Variants in SPECC1L observed in about 807,000 individuals in gnomAD.
SPECC1L encodes the protein cytospin-A.
In SPECC1L, 40 loss-of-function variants were observed where a neutral mutation model predicts 116.8. The ratio of observed to expected loss-of-function variants is 0.34; its 90% CI spans 0.27 to 0.45. The LOEUF (loss-of-function observed/expected upper bound fraction) is 0.45. SPECC1L is among the 20% of genes least tolerant of loss of function. SPECC1L has a pLI of 1.00. For synonymous variants in SPECC1L, 504 were observed against 500.6 expected, an observed-to-expected ratio of 1.01 and a Z score of -0.09; for missense variants, 1,110 against 1,373.6, an observed-to-expected ratio of 0.81 and a Z score of 3.03.
Position 24,347,107 on chromosome 22 carries a change from A to T in SPECC1L, c.2674A>T (p.Ile892Phe). 1.9e-6 allele frequency: 3 copies of T among 1,614,012 alleles called. No individual in the cohort carries two copies. The Admixed American group carries it at 5.0e-5, about 27-fold the overall frequency. ...PMQRHSISGPISTSKPLTALS... is the reference protein window; with the variant it reads ...PMQRHSISGPFSTSKPLTALS... ...TCAGAGACATTCCATAAGTGGACCA[A>T]TCTCAACATCCAAACCCCTGACAGC... Residue 892 changes from isoleucine to phenylalanine, a missense_variant, in exon 11 of 17, where the codon ATC becomes TTC. By Grantham distance (21) the Ile-to-Phe change is conservative. This residue lies in a region of SPECC1L where 575 missense variants were observed against 682.4 expected (regional missense o/e 0.84). Coordinates refer to ENST00000314328, the MANE Select transcript of SPECC1L (RefSeq NM_015330.6).
chr22:24,315,878 C>G (rs1247302960), intron 4 of SPECC1L, among the ~76,000 whole-genome samples: 1 of 152,194 alleles, frequency 6.6e-6, no homozygotes, highest in Non-Finnish European at 1.5e-5. Context: ...GCTGCCTTCT[C>G]TGTGTCTTCC....
At chr22:24,367,677 T>G (rs1013392574) in intron 13 of SPECC1L, among the ~76,000 whole-genome samples, 3 of 152,174 alleles carry the variant, frequency 2.0e-5, no homozygotes, top group African/African-American at 7.2e-5. Flanking sequence ...GCAATAAAAA[T>G]TGGTACTATT....
chr22:24,405,913 G>A (rs1205941836), intron 14 of SPECC1L, among the ~76,000 whole-genome samples: 3 of 152,020 alleles, frequency 2.0e-5, no homozygotes, highest in African/African-American at 4.8e-5. Context: ...TCGTCATCTT[G>A]TGTGGGCTGG....
At chr22:24,318,734 A>AGTT (rs1412330335) in intron 4 of SPECC1L, among the ~76,000 whole-genome samples, 2 of 152,072 alleles carry the variant, frequency 1.3e-5, no homozygotes. Flanking sequence ...AGCTTGGGCA[A>AGTT]CATGCCCAAT....
intron 16 of SPECC1L, among the ~76,000 whole-genome samples, chr22:24,413,903 G>T (rs759963363): frequency 1.3e-5 from 2 of 152,144 alleles, no homozygotes; most frequent in Non-Finnish European, 1.5e-5. Context: ...GTCACTCCCC[G>T]AGCCTTCAGC....
At chr22:24,355,722 A>C (rs1046748401) in intron 11 of SPECC1L, among the ~76,000 whole-genome samples, 1 of 151,698 alleles carries the variant, frequency 6.6e-6, no homozygotes, top group South Asian at 2.1e-4. Flanking sequence ...CTTTTTCCCT[A>C]CTCACTTCAG....
At chr22:24,339,800 C>T (rs1219556940) in intron 10 of SPECC1L, among the ~76,000 whole-genome samples, 1 of 151,982 alleles carries the variant, frequency 6.6e-6, no homozygotes, top group Non-Finnish European at 1.5e-5. Flanking sequence ...TTTTTTACCC[C>T]GAAACGGGGT....
intron 14 of SPECC1L, among the ~76,000 whole-genome samples, chr22:24,401,467 C>T (rs763231622): frequency 1.1e-4 from 16 of 152,324 alleles, no homozygotes; most frequent in African/African-American, 3.6e-4. Flanking sequence ...CCTCTGATAA[C>T]GAGGTCAGTC....
rs1026603859 is a variant in SPECC1L, at chr22:24,324,326, A to C, written c.2045A>C (p.Glu682Ala). Residue 682 changes from glutamate (E) to alanine (A), a missense_variant, in exon 6 of 17, where the codon GAA (glutamate) becomes GCA (alanine). By Grantham distance (107) the Glu-to-Ala change is moderately radical. Transcript: ENST00000314328. ...TCAGACCTGGATGAAAAAGAAACAG[A>C]AAGGAGTGACATGAAAGAAACCATC... ...LRSDLDEKET[E>A]RSDMKETIFE... The C allele has an allele frequency of 2.5e-6, 4 of 1,614,124 alleles. No individual in the cohort carries two copies. The highest frequency in any genetic ancestry group is 3.4e-6 in the Non-Finnish European group (4 of 1,179,942).
At chr22:24,315,139 C>T (rs1264880413) in intron 4 of SPECC1L, among the ~76,000 whole-genome samples, 2 of 152,230 alleles carry the variant, frequency 1.3e-5, no homozygotes, top group Non-Finnish European at 2.9e-5. Context: ...AATTTAGGCT[C>T]TTAGCCCCTC....
At chr22:24,355,281 C>CAA (rs751981921) in intron 11 of SPECC1L, among the ~76,000 whole-genome samples, 2,580 of 55,156 alleles carry the variant, frequency 0.047, 111 homozygotes, top group African/African-American at 0.12. Context: ...GACTCCATCT[C>CAA]AAAAAAAAAA....
chr22:24,352,519 CTGAG>C (rs1245389108), intron 11 of SPECC1L, among the ~76,000 whole-genome samples: 3 of 151,884 alleles, frequency 2.0e-5, no homozygotes, highest in Non-Finnish European at 4.4e-5. Context: ...TTTTTATAAA[CTGAG>C]TATTTTGAAA....
At chr22:24,400,260 C>G (rs1370947882) in intron 14 of SPECC1L, among the ~76,000 whole-genome samples, 1 of 152,198 alleles carries the variant, frequency 6.6e-6, no homozygotes, top group East Asian at 1.9e-4. Flanking sequence ...ACTTGGCAAC[C>G]ACTCGTCTAC....
intron 5 of SPECC1L, 129 bp from the exon 6 acceptor site, chr22:24,324,091 C>G: frequency 1.3e-6 from 1 of 746,440 alleles, no homozygotes; most frequent in Non-Finnish European, 2.4e-6. Context: ...AGTTATTACA[C>G]AGGTTGTTTT....
chr22:24,329,310 CT>C (rs1300353874), intron 7 of SPECC1L, among the ~76,000 whole-genome samples: 1 of 152,110 alleles, frequency 6.6e-6, no homozygotes, highest in Non-Finnish European at 1.5e-5. Flanking sequence ...ATCTGAAATG[CT>C]TTTGGATAAG....
chr22:24,359,046 T>C (rs1039816668), intron 11 of SPECC1L, among the ~76,000 whole-genome samples: 1 of 152,148 alleles, frequency 6.6e-6, no homozygotes, highest in African/African-American at 2.4e-5. Flanking sequence ...AACTTTACCC[T>C]CTTTACCGGC....
chr22:24,302,498 A>T, intron 3 of SPECC1L, 114 bp downstream of exon 3: 1 of 1,392,084 alleles, frequency 7.2e-7, no homozygotes, highest in Non-Finnish European at 1.0e-6. Context: ...GGTGCTGGGA[A>T]CACTTGGCCT....
At chr22:24,385,578 A>G (rs185407171) in intron 14 of SPECC1L, among the ~76,000 whole-genome samples, 2 of 152,354 alleles carry the variant, frequency 1.3e-5, no homozygotes, top group Admixed American at 6.5e-5. Flanking sequence ...ATTTCTCAGT[A>G]AGAAATATTA....
At chr22:24,335,004 C>G (rs2146522838) in intron 9 of SPECC1L, among the ~76,000 whole-genome samples, 2 of 152,346 alleles carry the variant, frequency 1.3e-5, no homozygotes, top group South Asian at 4.1e-4. Flanking sequence ...TGTCTGCCAT[C>G]TTCAGCCTTC....
Sources: gnomAD v4.1 joint callset for allele counts (sites outside exome capture counted in the v4.1 genomes callset) on GRCh38, gnomAD v4.1.1 for gene constraint, gnomAD v4.1.1 regional missense constraint, MANE v1.5 for transcripts, NCBI Gene and HGNC (gene_info 2026-07-23, HGNC 2026-07-21) for gene names.